Variants in GALNTL6 observed in about 807,000 individuals in gnomAD.
The protein encoded by GALNTL6 is polypeptide N-acetylgalactosaminyltransferase like 6.
A neutral mutation model predicts 73.7 loss-of-function variants in GALNTL6; 46 were observed. That is an observed-to-expected ratio of 0.62 (90% CI 0.49 to 0.80). The LOEUF (loss-of-function observed/expected upper bound fraction) is 0.80, where lower values mean the gene tolerates loss of function less well. Ranked by LOEUF, GALNTL6 falls within the 30% of genes least tolerant of loss-of-function variation. The pLI is 0.00. For synonymous variants in GALNTL6, 259 were observed against 263.7 expected (o/e 0.98, Z 0.17); for missense variants, 604 against 755.0 (o/e 0.80, Z 2.34).
Position 172,162,453 on chromosome 4 carries a change from A to G in GALNTL6, c.139-67203A>G, listed in dbSNP as rs1390900414. Among the ~76,000 whole-genome samples the G allele has an allele frequency of 2.0e-5, 3 of 152,168 alleles. No individual in the cohort carries two copies. In the South Asian group the frequency reaches 6.2e-4, roughly 32 times the overall value. On this transcript the variant is annotated intron_variant, in intron 2 of 12. Coordinates refer to ENST00000506823, the MANE Select transcript of GALNTL6 (RefSeq NM_001034845.3). Reference sequence around the variant, plus strand: ...TTCCTGGTACATCTCTGAAAAAACTATTAAATAAAGAATAAAAGAGGGGAC... The same window carrying G: ...TTCCTGGTACATCTCTGAAAAAACTGTTAAATAAAGAATAAAAGAGGGGAC...
intron 2 of GALNTL6, among the ~76,000 whole-genome samples, chr4:171,896,520 C>T (rs937349735): frequency 6.6e-6 from 1 of 152,166 alleles, no homozygotes; most frequent in Non-Finnish European, 1.5e-5. Context: ...GTTCTGGAGC[C>T]TAGGAAGTTC....
At chr4:172,578,167 G>A (rs769738247) in intron 5 of GALNTL6, among the ~76,000 whole-genome samples, 6 of 152,038 alleles carry the variant, frequency 3.9e-5, no homozygotes, top group Admixed American at 1.3e-4. Context: ...GTTATCTGAT[G>A]CCATAGAATG....
At chr4:172,716,070 C>T (rs1294222130) in intron 5 of GALNTL6, among the ~76,000 whole-genome samples, 1 of 150,978 alleles carries the variant, frequency 6.6e-6, no homozygotes, top group Non-Finnish European at 1.5e-5. Flanking sequence ...CCGCACCCCA[C>T]CCCAACAACC....
chr4:172,198,680 A>G (rs1477970634), intron 2 of GALNTL6, among the ~76,000 whole-genome samples: 1 of 152,194 alleles, frequency 6.6e-6, no homozygotes, highest in Non-Finnish European at 1.5e-5. Context: ...TCTGGGGACA[A>G]GAGGTGCTAT....
chr4:172,998,863 T>C (rs1461388112), intron 10 of GALNTL6, among the ~76,000 whole-genome samples: 1 of 152,152 alleles, frequency 6.6e-6, no homozygotes, highest in Non-Finnish European at 1.5e-5. Context: ...TTCATTTCTA[T>C]TCTTTGCTTG....
chr4:172,037,462 C>T (rs1040235198), intron 2 of GALNTL6, among the ~76,000 whole-genome samples: 6 of 152,122 alleles, frequency 3.9e-5, no homozygotes, highest in Non-Finnish European at 7.4e-5. Context: ...CCTACTATTT[C>T]ACAGGAAAAC....
At chr4:172,555,111 G>C (rs991157271) in intron 5 of GALNTL6, among the ~76,000 whole-genome samples, 6 of 151,956 alleles carry the variant, frequency 3.9e-5, no homozygotes, top group African/African-American at 1.2e-4. Context: ...TGTTGATTTT[G>C]TTTTATTGAT....
chr4:171,825,749 A>G (rs1404674644), intron 2 of GALNTL6, among the ~76,000 whole-genome samples: 2 of 152,124 alleles, frequency 1.3e-5, no homozygotes, highest in African/African-American at 4.8e-5. Context: ...TTTAAAAGAC[A>G]AGTTTCACAT....
intron 2 of GALNTL6, among the ~76,000 whole-genome samples, chr4:172,096,066 TTCTC>T (rs1016972990): frequency 4.9e-4 from 66 of 134,618 alleles, no homozygotes; most frequent in African/African-American, 1.8e-3. Context: ...TATTTTCGAT[TTCTC>T]TCTCTCTCTC....
chr4:171,862,207 T>C (rs1313303174), intron 2 of GALNTL6, among the ~76,000 whole-genome samples: 1 of 152,164 alleles, frequency 6.6e-6, no homozygotes, highest in Non-Finnish European at 1.5e-5. Flanking sequence ...ATTTGAGAGA[T>C]AATTTTTGAA....
At chr4:172,627,637 G>A (rs1037529959) in intron 5 of GALNTL6, among the ~76,000 whole-genome samples, 16 of 151,572 alleles carry the variant, frequency 1.1e-4, no homozygotes, top group South Asian at 2.1e-4. Context: ...AGCTTTTTGC[G>A]TTGGTAGGTT....
chr4:172,719,922 T>G (rs1735358796), intron 5 of GALNTL6, among the ~76,000 whole-genome samples: 1 of 152,266 alleles, frequency 6.6e-6, no homozygotes, highest in East Asian at 1.9e-4. Context: ...TAGACAATAT[T>G]AGGTAACTTC....
At chr4:172,988,972 T>A (rs79347974) in intron 10 of GALNTL6, among the ~76,000 whole-genome samples, 5,189 of 152,286 alleles carry the variant, frequency 0.034, 186 homozygotes, top group African/African-American at 0.089. Flanking sequence ...CAAGCCCTCA[T>A]GGAGAACCTC....
At chr4:172,876,174 A>G (rs1218167068) in intron 7 of GALNTL6, among the ~76,000 whole-genome samples, 2 of 152,246 alleles carry the variant, frequency 1.3e-5, no homozygotes, top group Non-Finnish European at 2.9e-5. Context: ...AGTAAGCAGC[A>G]AAAAGCATAT....
At chr4:172,992,381 T>A (rs1180212362) in intron 10 of GALNTL6, among the ~76,000 whole-genome samples, 1 of 152,240 alleles carries the variant, frequency 6.6e-6, no homozygotes, top group Non-Finnish European at 1.5e-5. Flanking sequence ...AGATGAAATG[T>A]CTAAATTGTG....
intron 5 of GALNTL6, among the ~76,000 whole-genome samples, chr4:172,515,899 C>T (rs1734590606): frequency 6.6e-6 from 1 of 152,208 alleles, no homozygotes; most frequent in Non-Finnish European, 1.5e-5. Flanking sequence ...TGTGCCTTTG[C>T]ACTCTGCTCG....
intron 5 of GALNTL6, among the ~76,000 whole-genome samples, chr4:172,381,596 C>T (rs1273179570): frequency 6.6e-6 from 1 of 152,010 alleles, no homozygotes; most frequent in Non-Finnish European, 1.5e-5. Flanking sequence ...TAGCATGTAT[C>T]AATATTTAAT....
chr4:172,904,763 C>A (rs1746799218), intron 8 of GALNTL6, among the ~76,000 whole-genome samples: 1 of 152,164 alleles, frequency 6.6e-6, no homozygotes, highest in Non-Finnish European at 1.5e-5. Flanking sequence ...AAAAGTTAGT[C>A]CTAAAATAAG....
chr4:172,674,925 A>G (rs112780765), intron 5 of GALNTL6, among the ~76,000 whole-genome samples: 172 of 152,310 alleles, frequency 1.1e-3, no homozygotes, highest in Non-Finnish European at 1.9e-3. Context: ...ACATACTCCT[A>G]TAGCTTAATG....
Sources: gnomAD v4.1 joint callset for allele counts (sites outside exome capture counted in the v4.1 genomes callset) on GRCh38, gnomAD v4.1.1 for gene constraint, MANE v1.5 for transcripts, NCBI Gene and HGNC (gene_info 2026-07-23, HGNC 2026-07-21) for gene names.